The following FAM53A variants were observed in gnomAD, a reference collection of about 807,000 sequenced individuals.
The protein encoded by FAM53A is protein FAM53A.
A neutral mutation model predicts 26.6 loss-of-function variants in FAM53A; 28 were observed. That is an observed-to-expected ratio of 1.05 (90% CI 0.78 to 1.45). The LOEUF is 1.45. Ranked by LOEUF, FAM53A falls within the 40% of genes most tolerant of loss-of-function variation. The probability of loss-of-function intolerance (pLI) is 0.00; values close to 1 mark genes in which losing one functional copy is unlikely to be tolerated. For missense variants in FAM53A, 650 were observed against 575.8 expected (o/e 1.13, Z -1.32); for synonymous variants, 290 against 253.1 (o/e 1.15, Z -1.38).
At chr4:1,618,296 T>A (rs1459344732) in intron 1 of FAM53A, among the ~76,000 whole-genome samples, 2 of 152,044 alleles carry the variant, frequency 1.3e-5, no homozygotes, top group Non-Finnish European at 2.9e-5. Context: ...CATGGGAAAG[T>A]GTGTCTGAGG....
At chr4:1,629,081 T>C (rs1010184691) in intron 1 of FAM53A, among the ~76,000 whole-genome samples, 25 of 151,898 alleles carry the variant, frequency 1.6e-4, no homozygotes, top group Admixed American at 1.4e-3. Flanking sequence ...CATGCCTGCG[T>C]TGGGGGACAG....
chr4:1,610,133 G>C, the FAM53A span, among the ~76,000 whole-genome samples: 1 of 151,328 alleles, frequency 6.6e-6, no homozygotes, highest in African/African-American at 2.4e-5. Flanking sequence ...CCTCATCATG[G>C]ATGCTGAGCC....
At chr4:1,582,946 C>T in the FAM53A span, among the ~76,000 whole-genome samples, 3 of 152,184 alleles carry the variant, frequency 2.0e-5, no homozygotes, top group Admixed American at 2.0e-4. Flanking sequence ...AAGGGATCAG[C>T]CTGGATGAGC....
At chr4:1,634,353 C>A (rs1342614551) in intron 1 of FAM53A, among the ~76,000 whole-genome samples, 1 of 152,082 alleles carries the variant, frequency 6.6e-6, no homozygotes, top group Non-Finnish European at 1.5e-5. Context: ...CACACCCGTC[C>A]ACACACACAG....
At chr4:1,610,154 T>A in the FAM53A span, among the ~76,000 whole-genome samples, 1 of 149,466 alleles carries the variant, frequency 6.7e-6, no homozygotes, top group Non-Finnish European at 1.5e-5. Context: ...CCCTGCCAGC[T>A]CAGTGCCGAG....
At chr4:1,575,723 G>C in the FAM53A span, among the ~76,000 whole-genome samples, 1 of 152,128 alleles carries the variant, frequency 6.6e-6, no homozygotes, top group East Asian at 1.9e-4. Context: ...TCCTAAACAA[G>C]CCAATCTCCC....
the FAM53A span, among the ~76,000 whole-genome samples, chr4:1,588,409 A>G: frequency 1.3e-5 from 2 of 152,200 alleles, no homozygotes; most frequent in Non-Finnish European, 2.9e-5. Flanking sequence ...TATGAACAGA[A>G]TGTGGCAGAA....
chr4:1,578,138 G>A, the FAM53A span, among the ~76,000 whole-genome samples: 1,488 of 150,472 alleles, frequency 9.9e-3, 18 homozygotes, highest in Middle Eastern at 0.017. Context: ...AACACCCCCA[G>A]GCCCCCCCCA....
chr4:1,590,989 T>TATATATATATATATATATACACACAC, the FAM53A span, among the ~76,000 whole-genome samples: 1 of 126,848 alleles, frequency 7.9e-6, no homozygotes, highest in African/African-American at 3.5e-5. Context: ...TATATATATA[T>TATATATATATATATATATACACACAC]ATATATATAT....
intron 4 of FAM53A, among the ~76,000 whole-genome samples, chr4:1,646,580 G>GC (rs919954546): frequency 4.6e-5 from 7 of 152,072 alleles, no homozygotes; most frequent in African/African-American, 7.2e-5. Flanking sequence ...TGCAGCAGAG[G>GC]CCCCCCCATG....
the FAM53A span, among the ~76,000 whole-genome samples, chr4:1,602,731 A>G: frequency 0.088 from 13,350 of 152,166 alleles, 1,749 homozygotes; most frequent in African/African-American, 0.28. Flanking sequence ...GTAAGGTACG[A>G]CAGTGGCAAG....
chr4:1,611,472 T>G, the FAM53A span, among the ~76,000 whole-genome samples: 1 of 152,188 alleles, frequency 6.6e-6, no homozygotes, highest in African/African-American at 2.4e-5. Context: ...GGAACTGAGC[T>G]GACCTGCACT....
the FAM53A span, among the ~76,000 whole-genome samples, chr4:1,604,871 C>T: frequency 6.6e-6 from 1 of 152,304 alleles, no homozygotes; most frequent in African/African-American, 2.4e-5. Flanking sequence ...TGCCCCGCTC[C>T]CGCAGTGCTG....
chr4:1,603,571 C>T, the FAM53A span, among the ~76,000 whole-genome samples: 9 of 152,140 alleles, frequency 5.9e-5, no homozygotes, highest in Non-Finnish European at 8.8e-5. Flanking sequence ...GGCTTCCTCC[C>T]TCTACAGACC....
At chr4:1,654,658 G>A (rs145812445) in intron 4 of FAM53A, among the ~76,000 whole-genome samples, 44 of 152,348 alleles carry the variant, frequency 2.9e-4, no homozygotes, top group African/African-American at 1.0e-3. Context: ...GGCGGGGGGC[G>A]GCTCAGCCAG....
At chr4:1,637,196 G>C (rs112593200), downstream of FAM53A, among the ~76,000 whole-genome samples, 1 of 151,988 alleles carries the variant, frequency 6.6e-6, no homozygotes, top group Non-Finnish European at 1.5e-5. Context: ...CGGGTGGGGG[G>C]TGGGGGCGGG....
At chr4:1,665,706 C>A (rs957247273) in intron 2 of FAM53A, among the ~76,000 whole-genome samples, 1 of 152,098 alleles carries the variant, frequency 6.6e-6, no homozygotes, top group Non-Finnish European at 1.5e-5. Context: ...TGTGATGGAA[C>A]CCCCGTGACC....
the FAM53A span, among the ~76,000 whole-genome samples, chr4:1,605,620 G>C: frequency 1.6e-3 from 229 of 140,096 alleles, no homozygotes; most frequent in African/African-American, 5.2e-3. The surrounding 1 kb of genome is among the most constrained non-coding windows in gnomAD (Gnocchi z 5.7). Flanking sequence ...GTGTGGACGC[G>C]GCTCCTCGGG....
the FAM53A span, among the ~76,000 whole-genome samples, chr4:1,594,429 C>T: frequency 2.6e-5 from 4 of 152,246 alleles, no homozygotes; most frequent in South Asian, 4.1e-4. Flanking sequence ...CACTGCCCCC[C>T]GGGGTATACA....
Sources: gnomAD v4.1 joint callset for allele counts (sites outside exome capture counted in the v4.1 genomes callset) on GRCh38, gnomAD v4.1.1 for gene constraint, Gnocchi (gnomAD v3.1) non-coding constraint, MANE v1.5 for transcripts, NCBI Gene and HGNC (gene_info 2026-07-23, HGNC 2026-07-21) for gene names.